Variants in WWP2 observed in about 807,000 individuals in gnomAD.
WWP2 encodes NEDD4-like E3 ubiquitin-protein ligase WWP2.
Under a neutral mutation model 121.0 loss-of-function variants are expected in WWP2, and 57 were observed. The observed-to-expected ratio is 0.47, with a 90% CI of 0.38 to 0.59. WWP2 has a LOEUF of 0.59. Ranked by LOEUF, WWP2 falls within the 20% of genes least tolerant of loss-of-function variation. The probability of loss-of-function intolerance (pLI) is 0.00; values close to 1 mark genes in which losing one functional copy is unlikely to be tolerated. For synonymous variants in WWP2, 449 were observed against 441.3 expected (o/e 1.02, Z -0.22); for missense variants, 962 against 1,158.9 (o/e 0.83, Z 2.47).
chr16:69,939,328 C>T lies in WWP2; in HGVS notation c.2441-13C>T. 1.9e-6 allele frequency: 3 copies of T among 1,614,134 alleles called. No homozygotes were observed. The highest frequency in any genetic ancestry group is 2.5e-6 in the Non-Finnish European group (3 of 1,180,026). ...TCTCTGCTGACGTCGGCGTGTTTTA[C>T]CTTGGATCACAGGTAGCAACGGACC... On this transcript the variant is annotated splice_polypyrimidine_tract_variant and intron_variant, in intron 22 of 23. Coordinates refer to ENST00000359154, the MANE Select transcript of WWP2 (RefSeq NM_001270454.2).
intron 6 of WWP2, among the ~76,000 whole-genome samples, chr16:69,854,062 CA>C (rs2057266832): frequency 6.6e-6 from 1 of 152,184 alleles, no homozygotes; most frequent in Admixed American, 6.5e-5. Flanking sequence ...CACAGGGCCA[CA>C]ATAAGGGCAC....
intron 9 of WWP2, among the ~76,000 whole-genome samples, chr16:69,912,753 G>A (rs1002937169): frequency 4.0e-5 from 6 of 149,902 alleles, no homozygotes; most frequent in African/African-American, 7.4e-5. Flanking sequence ...TGTTAAATGC[G>A]AATGAACACA....
At chr16:69,907,927 G>A (rs868020370) in intron 8 of WWP2, among the ~76,000 whole-genome samples, 22 of 152,288 alleles carry the variant, frequency 1.4e-4, no homozygotes, top group African/African-American at 4.6e-4. Context: ...GATGCTCGGA[G>A]GAGAGGGGTA....
In WWP2 at chr16:69,932,119, C is replaced by T. The variant is rs1474242519; in HGVS notation, c.1682+229C>T. ...CTGAGGCAGGTGGATCACCTGAGGT[C>T]GGGGGTTCGAGACCAGCCTGACCAA... On this transcript the variant is annotated intron_variant, in intron 16 of 23. Transcript: ENST00000359154. Among the ~76,000 whole-genome samples the T allele has an allele frequency of 3.9e-5, 6 of 152,192 alleles. No homozygotes were observed. In the East Asian group the frequency reaches 7.7e-4, roughly 20 times the overall value.
intron 6 of WWP2, among the ~76,000 whole-genome samples, chr16:69,847,433 G>A (rs1309907891): frequency 6.8e-6 from 1 of 147,656 alleles, no homozygotes; most frequent in East Asian, 2.0e-4. Context: ...TTTTGAGATG[G>A]AGTTTCACTC....
In WWP2 at chr16:69,840,153, T is replaced by A. The variant is rs1445644933; in HGVS notation, c.368T>A (p.Leu123Gln). 6.2e-7 allele frequency: 1 copy of A among 1,614,266 alleles called. No individual in the cohort carries two copies. Among genetic ancestry groups the A allele is most frequent in the Non-Finnish European group, 8.5e-7 (1 of 1,180,048 alleles). ...GAGAACATGCAGCTGACCCTGAACC[T>A]GCAGACGGAGAACAAAGGCAGCGTT... ...KMENMQLTLN[L>Q]QTENKGSVVS... Residue 123 changes from leucine (L) to glutamine (Q), a missense_variant, in exon 5 of 24, where the codon CTG (leucine) becomes CAG (glutamine). By Grantham distance (113) the Leu-to-Gln change is moderately radical. This residue lies in a region of WWP2 where 145 missense variants were observed against 189.8 expected (regional missense o/e 0.76). Transcript: ENST00000359154.
At chr16:69,768,445 C>A (rs1197165153) in intron 1 of WWP2, among the ~76,000 whole-genome samples, 1 of 151,986 alleles carries the variant, frequency 6.6e-6, no homozygotes, top group Non-Finnish European at 1.5e-5. Flanking sequence ...CCCGTCTCTA[C>A]TAAAAATACA....
intron 11 of WWP2, among the ~76,000 whole-genome samples, chr16:69,927,296 C>A (rs1054729196): frequency 2.0e-5 from 3 of 152,056 alleles, no homozygotes; most frequent in African/African-American, 7.2e-5. Flanking sequence ...TGAGAGTGAT[C>A]GGCAGCTTGC....
chr16:69,828,034 T>G (rs1324978847), intron 4 of WWP2: 2 of 400,834 alleles, frequency 5.0e-6, no homozygotes, highest in African/African-American at 4.2e-5. Flanking sequence ...GTGACTGTAA[T>G]GGGTAACTGG....
intron 2 of WWP2, among the ~76,000 whole-genome samples, chr16:69,793,304 A>G (rs1275481947): frequency 6.6e-6 from 1 of 152,154 alleles, no homozygotes; most frequent in Admixed American, 6.5e-5. Context: ...GTGAGTCAAG[A>G]TTGCACCACT....
chr16:69,842,968 T>C (rs1016944804), intron 6 of WWP2, among the ~76,000 whole-genome samples: 1 of 152,140 alleles, frequency 6.6e-6, no homozygotes. Flanking sequence ...TGTATCTGAC[T>C]TATTTTTTAT....
At chr16:69,779,985 CA>C (rs769999485) in intron 1 of WWP2, among the ~76,000 whole-genome samples, 39 of 152,230 alleles carry the variant, frequency 2.6e-4, no homozygotes, top group South Asian at 6.2e-4. Context: ...TGAATATGAA[CA>C]TTTTGCCATA....
At chr16:69,872,368 T>C (rs2057657087) in intron 7 of WWP2, among the ~76,000 whole-genome samples, 4 of 152,140 alleles carry the variant, frequency 2.6e-5, no homozygotes, top group South Asian at 2.1e-4. Context: ...AGGCGCCCAC[T>C]GCCACGCCCG....
At chr16:69,929,585 A>C (rs2058684761) in intron 12 of WWP2, 56 bp downstream of exon 12, 1 of 1,506,404 alleles carries the variant, frequency 6.6e-7, no homozygotes, top group Non-Finnish European at 9.2e-7. Flanking sequence ...GTGCAGCTCC[A>C]GCACTGGGCA....
Position 69,925,366 on chromosome 16 carries a change from T to A in WWP2, c.1180-64T>A. ...ATTGGCATTTTTATTTTTTATTGATTGATTGATTTTTTCACCAGTGGCTTT... is the reference window on the plus strand; with the variant it reads ...ATTGGCATTTTTATTTTTTATTGATAGATTGATTTTTTCACCAGTGGCTTT... On this transcript the variant is annotated intron_variant, in intron 10 of 23. Coordinates refer to ENST00000359154, the MANE Select transcript of WWP2 (RefSeq NM_001270454.2). This position sits in a 1 kb window ranked among gnomAD's most constrained non-coding sequence, Gnocchi z 4.0. The A allele has an allele frequency of 6.3e-7, 1 of 1,589,514 alleles. No homozygotes were observed. Among genetic ancestry groups the A allele is most frequent in the African/African-American group, 1.4e-5 (1 of 73,680 alleles).
At chr16:69,916,774 C>G (rs2058485202) in intron 9 of WWP2, among the ~76,000 whole-genome samples, 2 of 152,080 alleles carry the variant, frequency 1.3e-5, no homozygotes, top group African/African-American at 2.4e-5. Flanking sequence ...GTGAGGCACT[C>G]TAGCAGGCAG....
At chr16:69,855,235 G>A (rs1261321898) in intron 6 of WWP2, among the ~76,000 whole-genome samples, 1 of 152,312 alleles carries the variant, frequency 6.6e-6, no homozygotes, top group East Asian at 1.9e-4. Flanking sequence ...GTTTCATGAA[G>A]TTTTTCTTCA....
chr16:69,790,110 G>A (rs1242418181), intron 2 of WWP2, among the ~76,000 whole-genome samples: 3 of 152,152 alleles, frequency 2.0e-5, no homozygotes, highest in African/African-American at 4.8e-5. Context: ...AGCCAGGCGT[G>A]GTGGCAGGCG....
chr16:69,904,559 T>C (rs2058257895), intron 8 of WWP2, among the ~76,000 whole-genome samples: 1 of 151,994 alleles, frequency 6.6e-6, no homozygotes, highest in Non-Finnish European at 1.5e-5. Flanking sequence ...TTTATAGAGA[T>C]GGGATCTTGC....
Sources: gnomAD v4.1 joint callset for allele counts (sites outside exome capture counted in the v4.1 genomes callset) on GRCh38, gnomAD v4.1.1 for gene constraint, gnomAD v4.1.1 regional missense constraint, Gnocchi (gnomAD v3.1) non-coding constraint, MANE v1.5 for transcripts, NCBI Gene and HGNC (gene_info 2026-07-23, HGNC 2026-07-21) for gene names.